The following SBNO1 variants were observed in gnomAD, a reference collection of about 807,000 sequenced individuals.
SBNO1 encodes protein strawberry notch homolog 1.
In SBNO1, 23 loss-of-function variants were observed where a neutral mutation model predicts 173.6. That is an observed-to-expected ratio of 0.13 (90% CI 0.10 to 0.19). The LOEUF is 0.19. Among genes scored for constraint, SBNO1 ranks in the 10% least tolerant of loss-of-function variants. The pLI is 1.00. For missense variants in SBNO1, 1,238 were observed against 1,671.2 expected, an observed-to-expected ratio of 0.74 and a Z score of 4.52; for synonymous variants, 632 against 571.5, an observed-to-expected ratio of 1.11 and a Z score of -1.51.
rs1043474874 is a variant in SBNO1, at chr12:123,333,989, G to C, written c.909+64C>G. Reference sequence around the variant, plus strand: ...TACAAGGAAAAGTTACCTTTAGATTGAAACAACTCTGTTATATAGAATAGG... The same window carrying C: ...TACAAGGAAAAGTTACCTTTAGATTCAAACAACTCTGTTATATAGAATAGG... On this transcript the variant is annotated intron_variant, in intron 7 of 31. Transcript: ENST00000602398. 2.8e-6 allele frequency: 3 copies of C among 1,083,598 alleles called. No homozygotes were observed. In the Admixed American group the frequency reaches 1.0e-4, roughly 36 times the overall value. 67.1% of individuals were successfully genotyped at this position (1,083,598 alleles called of 1,614,324 possible). A position where few individuals can be genotyped will look rare whatever the true frequency, so the allele number is the denominator to read the frequency against.
intron 30 of SBNO1, among the ~76,000 whole-genome samples, chr12:123,302,399 C>T (rs962198978): frequency 1.3e-5 from 2 of 152,046 alleles, no homozygotes; most frequent in African/African-American, 4.8e-5. Flanking sequence ...CCTGCCATCA[C>T]ACCGGCTAAT....
Position 123,291,599 on chromosome 12 carries a change from T to A in SBNO1, c.*4309A>T, listed in dbSNP as rs1434238198. 1 of 150,492 alleles carries A rather than the reference T, an allele frequency of 6.6e-6. No individual in the cohort carries two copies. The highest frequency in any genetic ancestry group is 1.5e-5 in the Non-Finnish European group (1 of 67,820). The allele number at this position is 150,492 out of a possible 1,614,324, so 9.3% of individuals were successfully genotyped here. A position where few individuals can be genotyped will look rare whatever the true frequency, so the allele number is the denominator to read the frequency against. ...AAAAACATTAACACAAAACAGGAATTCTACAGCAAAGATGCAAAACTGAAT... is the reference window on the plus strand; with the variant it reads ...AAAAACATTAACACAAAACAGGAATACTACAGCAAAGATGCAAAACTGAAT... On this transcript the variant is annotated 3_prime_UTR_variant, in exon 32 of 32. Coordinates refer to ENST00000602398, the MANE Select transcript of SBNO1 (RefSeq NM_001167856.3).
rs1384578088 is a variant in SBNO1, at chr12:123,345,393, C to T, written c.415G>A (p.Val139Ile). 2 of 1,614,174 alleles carry T rather than the reference C, an allele frequency of 1.2e-6. No homozygotes were observed. Among genetic ancestry groups the T allele is most frequent in the Non-Finnish European group, 1.7e-6 (2 of 1,180,040 alleles). Residue 139 changes from valine to isoleucine, a missense_variant, in exon 4 of 32, where the codon GTA (valine) becomes ATA (isoleucine). Physicochemically the swap from Val to Ile is conservative, Grantham distance 29. Transcript: ENST00000602398. ...STRPSVSAPT[V>I]RNAMTSAPSK... is the part of the protein sequence containing the mutation. ...GGTGCAGAGGTCATGGCATTTCGTACTGTTGGTGCTGAGACTGACGGGCGT... is the reference window on the plus strand; with the variant it reads ...GGTGCAGAGGTCATGGCATTTCGTATTGTTGGTGCTGAGACTGACGGGCGT...
chr12:123,359,591 T>G (rs114238321), intron 1 of SBNO1, among the ~76,000 whole-genome samples: 1,755 of 151,358 alleles, frequency 0.012, 38 homozygotes, highest in African/African-American at 0.041. Context: ...GTTGTATGGG[T>G]ATATGTATAC....
intron 13 of SBNO1, among the ~76,000 whole-genome samples, chr12:123,326,650 G>C (rs1034754584): frequency 1.6e-4 from 25 of 152,164 alleles, no homozygotes; most frequent in African/African-American, 6.0e-4. Flanking sequence ...GTTAGGCCAG[G>C]CGCAGTGGCT....
intron 23 of SBNO1, among the ~76,000 whole-genome samples, chr12:123,315,011 G>A (rs1287445457): frequency 6.6e-6 from 1 of 151,920 alleles, no homozygotes; most frequent in African/African-American, 2.4e-5. Flanking sequence ...CCAAAGTGCT[G>A]GGATTACAGA....
intron 3 of SBNO1, among the ~76,000 whole-genome samples, chr12:123,347,538 T>G (rs570343397): frequency 7.1e-6 from 1 of 140,912 alleles, no homozygotes; most frequent in Admixed American, 7.1e-5. Flanking sequence ...TTTTTTTATG[T>G]TTTTTGAGAT....
chr12:123,355,149 T>G (rs765347965), intron 1 of SBNO1, among the ~76,000 whole-genome samples: 28 of 152,084 alleles, frequency 1.8e-4, no homozygotes, highest in Admixed American at 3.3e-4. Flanking sequence ...GCCTCCCAGG[T>G]GGCTGAAACT....
chr12:123,343,170 T>G (rs969496681), intron 4 of SBNO1, among the ~76,000 whole-genome samples: 36 of 151,964 alleles, frequency 2.4e-4, no homozygotes, highest in Admixed American at 7.9e-4. Flanking sequence ...GTGGCAGGGG[T>G]TGCAGGAAGC....
intron 9 of SBNO1, among the ~76,000 whole-genome samples, chr12:123,329,318 T>C (rs1230400181): frequency 2.7e-5 from 4 of 150,918 alleles, no homozygotes; most frequent in African/African-American, 7.3e-5. Context: ...GAGATGGAGG[T>C]TGCAGTGAGC....
At chr12:123,329,245 G>A (rs983545332) in intron 9 of SBNO1, among the ~76,000 whole-genome samples, 2 of 152,088 alleles carry the variant, frequency 1.3e-5, no homozygotes, top group African/African-American at 4.8e-5. Context: ...GCCAGGCATC[G>A]TGGTGCGTGT....
At chr12:123,314,213 C>G (rs1224427017) in intron 23 of SBNO1, among the ~76,000 whole-genome samples, 1 of 152,028 alleles carries the variant, frequency 6.6e-6, no homozygotes, top group Non-Finnish European at 1.5e-5. Context: ...ATCGCCCAGG[C>G]TGGAATGTAA....
At position 123,321,644 on chromosome 12, in the gene SBNO1, A is replaced by G. The variant is rs777951853; in HGVS notation, c.2214T>C (p.Asp738=). The change falls in exon 17 of 32, where the codon GAT becomes GAC. Residue 738 remains aspartate, a synonymous_variant. Transcript: ENST00000602398. ...AGTCACTTTCTTCATTATCAGAGGC[A>G]TCAGATTCACTTCCACTGTCGTCAG... ...SSSDDSGSES[D]ASDNEESDYE... 3 of 1,613,994 alleles carry G rather than the reference A, an allele frequency of 1.9e-6. No homozygotes were observed. The highest frequency in any genetic ancestry group is 2.5e-6 in the Non-Finnish European group (3 of 1,179,882).
chr12:123,326,039 G>A, intron 14 of SBNO1, 113 bp downstream of exon 14: 2 of 661,026 alleles, frequency 3.0e-6, no homozygotes, highest in Non-Finnish European at 4.9e-6. Context: ...GTATTTTTTA[G>A]AAGTTTTACT....
intron 26 of SBNO1, 22 bp downstream of exon 26, chr12:123,309,688 G>C: frequency 6.2e-7 from 1 of 1,609,780 alleles, no homozygotes; most frequent in South Asian, 1.1e-5. Context: ...GACATTGTGG[G>C]GGGGAAATTT....
chr12:123,329,722 G>T (rs1870995790), intron 9 of SBNO1, among the ~76,000 whole-genome samples: 1 of 152,064 alleles, frequency 6.6e-6, no homozygotes, highest in African/African-American at 2.4e-5. Context: ...ACTGTTTAGG[G>T]CAACACTGAA....
intron 15 of SBNO1, among the ~76,000 whole-genome samples, chr12:123,324,086 A>G (rs1425132840): frequency 6.6e-6 from 1 of 152,202 alleles, no homozygotes; most frequent in Admixed American, 6.5e-5. Flanking sequence ...TGGTGGAACT[A>G]ATTTTAATAA....
intron 1 of SBNO1, chr12:123,363,875 G>A (rs542048546): frequency 4.1e-6 from 4 of 985,636 alleles, no homozygotes; most frequent in Non-Finnish European, 4.8e-6. Flanking sequence ...GGTCAGGAAA[G>A]AAACAATCAG....
intron 19 of SBNO1, 28 bp from the exon 20 acceptor site, chr12:123,320,059 T>C (rs775020293): frequency 1.5e-5 from 24 of 1,613,054 alleles, no homozygotes; most frequent in Non-Finnish European, 1.9e-5. Flanking sequence ...GTCATTACAA[T>C]GAAGGTATCT....
Sources: gnomAD v4.1 joint callset for allele counts (sites outside exome capture counted in the v4.1 genomes callset) on GRCh38, gnomAD v4.1.1 for gene constraint, MANE v1.5 for transcripts, NCBI Gene and HGNC (gene_info 2026-07-23, HGNC 2026-07-21) for gene names.